The following HP1BP3 variants were observed in gnomAD, a reference collection of about 807,000 sequenced individuals.
HP1BP3 encodes the protein heterochromatin protein 1-binding protein 3.
Under a neutral mutation model 62.5 loss-of-function variants are expected in HP1BP3, and 12 were observed. The ratio of observed to expected loss-of-function variants is 0.19; its 90% CI spans 0.12 to 0.31. HP1BP3 has a LOEUF of 0.31. HP1BP3 is among the 10% of genes least tolerant of loss of function. The probability of loss-of-function intolerance (pLI) is 1.00; values close to 1 mark genes in which losing one functional copy is unlikely to be tolerated. For synonymous variants in HP1BP3, 260 were observed against 237.8 expected (o/e 1.09, Z -0.86); for missense variants, 502 against 651.8 (o/e 0.77, Z 2.50).
intron 1 of HP1BP3, among the ~76,000 whole-genome samples, chr1:20,782,266 C>A (rs570208658): frequency 6.6e-6 from 1 of 151,998 alleles, no homozygotes; most frequent in Non-Finnish European, 1.5e-5. Context: ...TAGACTTGGT[C>A]TTTACCAAAA....
At chr1:20,756,428 G>C (rs1025052560) in intron 9 of HP1BP3, among the ~76,000 whole-genome samples, 2 of 151,860 alleles carry the variant, frequency 1.3e-5, no homozygotes, top group Non-Finnish European at 2.9e-5. Flanking sequence ...TGGGGAAGAC[G>C]GATTATAGGC....
At position 20,777,292 on chromosome 1, in the gene HP1BP3, T is replaced by TA. The variant is rs572243004; in HGVS notation, c.197-543dup. Among the ~76,000 whole-genome samples the TA allele has an allele frequency of 5.4e-5, 8 of 149,070 alleles. No individual in the cohort carries two copies. The South Asian group carries it at 1.1e-3, about 20-fold the overall frequency. On this transcript the variant is annotated intron_variant, in intron 3 of 12. Coordinates refer to ENST00000438032, the MANE Select transcript of HP1BP3 (RefSeq NM_001372052.1). ...AGAGAACTCCAAAAAAAAATAAAAA[T>TA]AAAAAAAATAAAAAAAACATGAAAG...
chr1:20,755,590 G>A (rs1570581727), intron 9 of HP1BP3, among the ~76,000 whole-genome samples: 1 of 151,886 alleles, frequency 6.6e-6, no homozygotes, highest in East Asian at 1.9e-4. Flanking sequence ...AAAACAAAAC[G>A]ACTTGAGCCC....
At chr1:20,750,813 TC>T (rs1557639587) in intron 9 of HP1BP3, among the ~76,000 whole-genome samples, 13 of 110,604 alleles carry the variant, frequency 1.2e-4, no homozygotes, top group South Asian at 3.3e-4. Context: ...ATATATTTTC[TC>T]TCTTTTTTTT....
At chr1:20,783,379 C>T (rs1264444094) in intron 1 of HP1BP3, among the ~76,000 whole-genome samples, 1 of 151,722 alleles carries the variant, frequency 6.6e-6, no homozygotes, top group Non-Finnish European at 1.5e-5. Flanking sequence ...GTTAGCCAGG[C>T]GCTGTGGTGT....
chr1:20,762,084 T>A (rs1187586668), intron 8 of HP1BP3, among the ~76,000 whole-genome samples: 9 of 152,240 alleles, frequency 5.9e-5, no homozygotes, highest in Non-Finnish European at 4.4e-5. Flanking sequence ...GAAACTGTAT[T>A]TTTCTTCCTC....
At position 20,776,585 on chromosome 1, in the gene HP1BP3, A is replaced by G. The variant is rs765028726; in HGVS notation, c.350+12T>C. Reference sequence around the variant, plus strand: ...CTTCAAATATAAATAGCAAGAAGACATAACTCCTTACTCCTTTTTGGTTTC... The same window carrying G: ...CTTCAAATATAAATAGCAAGAAGACGTAACTCCTTACTCCTTTTTGGTTTC... On this transcript the variant is annotated intron_variant, in intron 4 of 12. Transcript: ENST00000438032. 5.0e-6 allele frequency: 8 copies of G among 1,603,460 alleles called. No individual in the cohort carries two copies. The highest frequency in any genetic ancestry group is 3.4e-5 in the Admixed American group (2 of 58,078).
At chr1:20,777,183 C>T (rs1057068991) in intron 3 of HP1BP3, among the ~76,000 whole-genome samples, 1 of 151,808 alleles carries the variant, frequency 6.6e-6, no homozygotes, top group Non-Finnish European at 1.5e-5. Flanking sequence ...AGGTCTGCTG[C>T]TATTTGTGCC....
At chr1:20,778,211 T>G (rs1461017196) in intron 3 of HP1BP3, among the ~76,000 whole-genome samples, 1 of 152,260 alleles carries the variant, frequency 6.6e-6, no homozygotes, top group Non-Finnish European at 1.5e-5. Context: ...TATGGCTTAA[T>G]AAAGTTCAGT....
intron 9 of HP1BP3, among the ~76,000 whole-genome samples, chr1:20,752,118 G>A (rs572781530): frequency 6.6e-6 from 1 of 151,814 alleles, no homozygotes; most frequent in East Asian, 2.0e-4. Context: ...AAATTAGCCG[G>A]GCATGGTGGT....
intron 12 of HP1BP3, 54 bp from the exon 13 acceptor site, chr1:20,745,145 G>A (rs2055232880): frequency 2.6e-6 from 4 of 1,530,026 alleles, no homozygotes; most frequent in Non-Finnish European, 3.5e-6. Flanking sequence ...GATTCGTTTT[G>A]TTGGGACAAC....
Position 20,779,640 on chromosome 1 carries a change from C to T in HP1BP3, c.196+172G>A, listed in dbSNP as rs2057454192. Among the ~76,000 whole-genome samples the T allele has an allele frequency of 2.0e-5, 3 of 151,496 alleles. No individual in the cohort carries two copies. The South Asian group carries it at 6.3e-4, about 32-fold the overall frequency. ...AGAGAAGATGAAACCTTACTTTGCC[C>T]TCATGGTCTGGCAATGACATACCAA... On this transcript the variant is annotated intron_variant, in intron 3 of 12. Coordinates refer to ENST00000438032, the MANE Select transcript of HP1BP3 (RefSeq NM_001372052.1).
chr1:20,765,252 TA>T, intron 8 of HP1BP3, 124 bp downstream of exon 8: 1 of 495,092 alleles, frequency 2.0e-6, no homozygotes, highest in Non-Finnish European at 3.2e-6. Context: ...ATAAAACCAA[TA>T]AAAAAGATTT....
At chr1:20,756,830 C>T (rs999114569) in intron 9 of HP1BP3, among the ~76,000 whole-genome samples, 4 of 152,140 alleles carry the variant, frequency 2.6e-5, no homozygotes, top group African/African-American at 9.7e-5. Context: ...ATTCTCCTGC[C>T]TCAGCCTCCC....
chr1:20,744,690 G>T lies in HP1BP3; in HGVS notation c.*107C>A. The T allele has an allele frequency of 2.8e-6, 3 of 1,072,564 alleles. No homozygotes were observed. The highest frequency in any genetic ancestry group is 4.0e-6 in the Non-Finnish European group (3 of 750,038). The allele number at this position is 1,072,564 out of a possible 1,614,324, so 66.4% of individuals were successfully genotyped here. A position where few individuals can be genotyped will look rare whatever the true frequency, so the allele number is the denominator to read the frequency against. On this transcript the variant is annotated 3_prime_UTR_variant, in exon 13 of 13. Transcript: ENST00000438032. ...AGTCCCTCCCCACAATGTTCATAGG[G>T]GAGGAAAATAATGTAATTTGAAAAG...
At chr1:20,756,269 T>C (rs1265239097) in intron 9 of HP1BP3, among the ~76,000 whole-genome samples, 1 of 152,202 alleles carries the variant, frequency 6.6e-6, no homozygotes, top group East Asian at 1.9e-4. Context: ...CTTTTCTAAT[T>C]GTATTTCTGT....
At chr1:20,785,876 G>A (rs958024238) in intron 1 of HP1BP3, among the ~76,000 whole-genome samples, 6 of 152,126 alleles carry the variant, frequency 3.9e-5, no homozygotes, top group African/African-American at 1.4e-4. Flanking sequence ...CCTATGTCAG[G>A]TTAAACAAAA....
In HP1BP3 at chr1:20,751,010, T is replaced by C. The variant is rs187188250; in HGVS notation, c.982-1128A>G. 4.4e-4 allele frequency among the ~76,000 whole-genome samples: 67 copies of C among 151,970 alleles called. 2 individuals carry two copies. The highest frequency in any genetic ancestry group is 4.2e-3 in the Admixed American group (64 of 15,260). ...TTTTTTATTTTTAGTAGAGACACGG[T>C]TTCACCATGTTGGCCAGGCTAGTCT... On this transcript the variant is annotated intron_variant, in intron 9 of 12. Transcript: ENST00000438032.
intron 3 of HP1BP3, among the ~76,000 whole-genome samples, chr1:20,779,420 C>T (rs12062343): frequency 6.6e-6 from 1 of 152,264 alleles, no homozygotes; most frequent in South Asian, 2.1e-4. Flanking sequence ...ATTTGCTTCT[C>T]TGAAGGCCTC....
Sources: gnomAD v4.1 joint callset for allele counts (sites outside exome capture counted in the v4.1 genomes callset) on GRCh38, gnomAD v4.1.1 for gene constraint, MANE v1.5 for transcripts, NCBI Gene and HGNC (gene_info 2026-07-23, HGNC 2026-07-21) for gene names.